PTPRM: variants seen among roughly 807,000 people sequenced by gnomAD.
PTPRM encodes receptor-type tyrosine-protein phosphatase mu.
Under a neutral mutation model 186.7 loss-of-function variants are expected in PTPRM, and 47 were observed. That is an observed-to-expected ratio of 0.25 (90% CI 0.20 to 0.32). The LOEUF is 0.32. PTPRM is among the 10% of genes least tolerant of loss of function. PTPRM has a pLI of 1.00. For missense variants in PTPRM, 1,494 were observed against 1,865.0 expected, an observed-to-expected ratio of 0.80 and a Z score of 3.66; for synonymous variants, 668 against 674.9, an observed-to-expected ratio of 0.99 and a Z score of 0.16.
intron 22 of PTPRM, among the ~76,000 whole-genome samples, chr18:8,336,882 C>T (rs2095442904): frequency 6.6e-6 from 1 of 150,868 alleles, no homozygotes; most frequent in South Asian, 2.1e-4. Context: ...AAGGCTGAGC[C>T]AGGAGAATTG....
intron 1 of PTPRM, among the ~76,000 whole-genome samples, chr18:7,733,992 A>T (rs1265671704): frequency 2.6e-5 from 4 of 152,202 alleles, no homozygotes; most frequent in Non-Finnish European, 5.9e-5. Flanking sequence ...TGCCTCTATG[A>T]CTACCTTACC....
intron 7 of PTPRM, among the ~76,000 whole-genome samples, chr18:7,988,438 C>T (rs1481197480): frequency 2.6e-5 from 4 of 151,774 alleles, no homozygotes; most frequent in African/African-American, 9.7e-5. Context: ...TCAGTTTAAC[C>T]ATTGTAAATG....
At chr18:7,918,403 A>G (rs2050684675) in intron 4 of PTPRM, among the ~76,000 whole-genome samples, 1 of 151,812 alleles carries the variant, frequency 6.6e-6, no homozygotes, top group Non-Finnish European at 1.5e-5. Context: ...AGTATCCGTT[A>G]CTCCCTGTCA....
intron 7 of PTPRM, among the ~76,000 whole-genome samples, chr18:7,998,437 A>G (rs2083670294): frequency 6.6e-6 from 1 of 152,174 alleles, no homozygotes; most frequent in Admixed American, 6.5e-5. Flanking sequence ...GTATACATGC[A>G]TCAAAATATT....
chr18:7,577,166 T>G (rs111599249), intron 1 of PTPRM, among the ~76,000 whole-genome samples: 9 of 152,330 alleles, frequency 5.9e-5, no homozygotes, highest in African/African-American at 2.2e-4. Context: ...GTTTAGTGCC[T>G]GGTGCCATTA....
At chr18:8,017,037 T>C (rs2084914143) in intron 7 of PTPRM, among the ~76,000 whole-genome samples, 1 of 152,244 alleles carries the variant, frequency 6.6e-6, no homozygotes, top group South Asian at 2.1e-4. Flanking sequence ...ATTTTTTTTC[T>C]ACATTCATCT....
chr18:8,098,794 C>G (rs998403130), intron 11 of PTPRM, among the ~76,000 whole-genome samples: 2 of 152,058 alleles, frequency 1.3e-5, no homozygotes, highest in African/African-American at 4.8e-5. Flanking sequence ...TACCTTCCAT[C>G]CCCCACAATC....
chr18:8,082,641 T>C (rs1167534740), intron 9 of PTPRM, among the ~76,000 whole-genome samples: 3 of 151,802 alleles, frequency 2.0e-5, no homozygotes, highest in African/African-American at 7.3e-5. Flanking sequence ...TCCTCCTCTA[T>C]CCTGTATTAA....
At chr18:8,398,283 C>G (rs2095854709) in intron 32 of PTPRM, among the ~76,000 whole-genome samples, 1 of 152,164 alleles carries the variant, frequency 6.6e-6, no homozygotes. Context: ...AGTGCCTGGC[C>G]TGGCATCTTA....
At chr18:7,666,534 A>G (rs572245811) in intron 1 of PTPRM, among the ~76,000 whole-genome samples, 2 of 152,312 alleles carry the variant, frequency 1.3e-5, no homozygotes, top group South Asian at 4.1e-4. Flanking sequence ...GAGTCTTCAC[A>G]GTACTTTGTC....
intron 20 of PTPRM, among the ~76,000 whole-genome samples, chr18:8,305,484 T>A (rs1251540741): frequency 6.6e-6 from 1 of 152,200 alleles, no homozygotes; most frequent in Non-Finnish European, 1.5e-5. Context: ...ATAGGCAGTA[T>A]TGTTATTCCC....
intron 2 of PTPRM, among the ~76,000 whole-genome samples, chr18:7,874,115 T>TA (rs752112185): frequency 0.049 from 5,998 of 121,694 alleles, 225 homozygotes; most frequent in African/African-American, 0.18. Flanking sequence ...AGGAAAAGTT[T>TA]TAAAAAAAAA....
intron 19 of PTPRM, among the ~76,000 whole-genome samples, chr18:8,279,692 C>T (rs572479381): frequency 6.6e-6 from 1 of 152,308 alleles, no homozygotes; most frequent in African/African-American, 2.4e-5. Context: ...AGAAATAAAA[C>T]ATTGAATGTT....
At chr18:8,389,842 G>A (rs1270629031) in intron 31 of PTPRM, among the ~76,000 whole-genome samples, 1 of 152,202 alleles carries the variant, frequency 6.6e-6, no homozygotes, top group Non-Finnish European at 1.5e-5. Flanking sequence ...TAACGGCTGT[G>A]GGTGGAGAGT....
chr18:7,951,643 C>A (rs1250664445), intron 6 of PTPRM, among the ~76,000 whole-genome samples: 1 of 152,152 alleles, frequency 6.6e-6, no homozygotes, highest in African/African-American at 2.4e-5. Flanking sequence ...CACACTGCCA[C>A]AGCTCATGAC....
At chr18:8,108,158 C>G (rs879189803) in intron 11 of PTPRM, among the ~76,000 whole-genome samples, 1 of 152,084 alleles carries the variant, frequency 6.6e-6, no homozygotes, top group Admixed American at 6.5e-5. Context: ...TCATCTCCCC[C>G]CATATTAATC....
intron 1 of PTPRM, among the ~76,000 whole-genome samples, chr18:7,597,820 A>G (rs1187210419): frequency 6.6e-6 from 1 of 152,206 alleles, no homozygotes; most frequent in Admixed American, 6.5e-5. Flanking sequence ...ACACTATTTG[A>G]AAGAGAGTAC....
chr18:7,960,480 T>TATATAC (rs1300573371), intron 7 of PTPRM, among the ~76,000 whole-genome samples: 85 of 86,578 alleles, frequency 9.8e-4, no homozygotes, highest in African/African-American at 3.6e-3. Flanking sequence ...TATATATATA[T>TATATAC]ACACACACAC....
chr18:7,738,292 G>A (rs1166924672), intron 1 of PTPRM, among the ~76,000 whole-genome samples: 5 of 152,188 alleles, frequency 3.3e-5, no homozygotes, highest in Non-Finnish European at 7.3e-5. Flanking sequence ...TGAACTCTTG[G>A]AAAGCATTTT....
Sources: allele counts gnomAD v4.1 joint callset (sites outside exome capture counted in the v4.1 genomes callset), GRCh38; gene constraint gnomAD v4.1.1; transcripts MANE v1.5; gene names NCBI Gene and HGNC (gene_info 2026-07-23, HGNC 2026-07-21).